Variants in KCNJ6 observed in about 807,000 individuals in gnomAD.
KCNJ6 encodes the protein potassium inwardly rectifying channel subfamily J member 6.
Under a neutral mutation model 34.2 loss-of-function variants are expected in KCNJ6, and 9 were observed. The ratio of observed to expected loss-of-function variants is 0.26; its 90% CI spans 0.16 to 0.46. The LOEUF (loss-of-function observed/expected upper bound fraction) is 0.46. Among genes scored for constraint, KCNJ6 ranks in the 20% least tolerant of loss-of-function variants. The pLI, the probability that KCNJ6 is intolerant of heterozygous loss-of-function variation, is 1.00. For synonymous variants in KCNJ6, 196 were observed against 207.1 expected (o/e 0.95, Z 0.46); for missense variants, 236 against 531.3 (o/e 0.44, Z 5.46).
intron 1 of KCNJ6, among the ~76,000 whole-genome samples, chr21:37,868,467 T>C (rs1394306552): frequency 1.3e-5 from 2 of 152,146 alleles, no homozygotes; most frequent in African/African-American, 2.4e-5. Flanking sequence ...AAAACTAAGA[T>C]AAAATGTGAA....
chr21:37,795,434 C>T (rs2123525917), intron 2 of KCNJ6, among the ~76,000 whole-genome samples: 1 of 152,164 alleles, frequency 6.6e-6, no homozygotes, highest in East Asian at 1.9e-4. Flanking sequence ...TGGGTCATGT[C>T]CTAAAGAAAG....
intron 1 of KCNJ6, among the ~76,000 whole-genome samples, chr21:37,882,970 G>A (rs987422443): frequency 2.6e-5 from 4 of 152,226 alleles, no homozygotes; most frequent in African/African-American, 9.6e-5. Flanking sequence ...GATAGTGCAT[G>A]TGTGTGGATG....
At position 37,724,856 on chromosome 21, in the gene KCNJ6, C is replaced by G. The variant is rs374539503; in HGVS notation, c.26-9725G>C. Among the ~76,000 whole-genome samples, 6 of 152,158 alleles carry G rather than the reference C, an allele frequency of 3.9e-5. 1 individual carries two copies. Among genetic ancestry groups the G allele is most frequent in the East Asian group, 1.9e-4 (1 of 5,176 alleles). On this transcript the variant is annotated intron_variant, in intron 2 of 3. Transcript: ENST00000609713. ...TGGAAAAAAAATGATGAGTCTTCTC[C>G]TTATTCCTTTTATTAGAATAAATTC... is the stretch of plus-strand genomic sequence containing the variant.
At chr21:37,728,322 T>A (rs1220342225) in intron 2 of KCNJ6, among the ~76,000 whole-genome samples, 1 of 152,168 alleles carries the variant, frequency 6.6e-6, no homozygotes, top group Non-Finnish European at 1.5e-5. Context: ...GGAGTTAATG[T>A]GTAATGGGGA....
chr21:37,904,854 A>T (rs2055833733), intron 1 of KCNJ6, among the ~76,000 whole-genome samples: 1 of 152,206 alleles, frequency 6.6e-6, no homozygotes, highest in South Asian at 2.1e-4. Flanking sequence ...CATATTCAGG[A>T]TGAACAAGTT....
intron 1 of KCNJ6, among the ~76,000 whole-genome samples, chr21:37,914,737 C>A (rs930742967): frequency 5.3e-5 from 8 of 152,294 alleles, no homozygotes; most frequent in African/African-American, 1.9e-4. Context: ...CTGGGCATCA[C>A]CCTTTTCCGT....
intron 3 of KCNJ6, among the ~76,000 whole-genome samples, chr21:37,700,071 T>G (rs766316808): frequency 2.6e-5 from 4 of 152,090 alleles, no homozygotes; most frequent in Admixed American, 2.6e-4. Flanking sequence ...GCACTGACCA[T>G]GTGCCAGATT....
chr21:37,666,834 T>C (rs1395434903), intron 3 of KCNJ6, among the ~76,000 whole-genome samples: 3 of 151,862 alleles, frequency 2.0e-5, no homozygotes, highest in Non-Finnish European at 4.4e-5. Context: ...TGGGATGCTG[T>C]TAATCTATAA....
chr21:37,681,675 T>G (rs959119773), intron 3 of KCNJ6, among the ~76,000 whole-genome samples: 3 of 152,182 alleles, frequency 2.0e-5, no homozygotes, highest in African/African-American at 7.2e-5. Context: ...AAAACATGAG[T>G]GACTTTAAAA....
intron 1 of KCNJ6, among the ~76,000 whole-genome samples, chr21:37,909,449 T>G (rs149445073): frequency 1.3e-5 from 2 of 151,666 alleles, no homozygotes; most frequent in African/African-American, 4.9e-5. Context: ...CACTGCAACA[T>G]CTGCCTCCTG....
intron 2 of KCNJ6, among the ~76,000 whole-genome samples, chr21:37,740,371 T>C (rs1601447569): frequency 1.3e-5 from 2 of 152,162 alleles, no homozygotes; most frequent in Admixed American, 1.3e-4. Flanking sequence ...AGCTGCATGA[T>C]AAAACTTTGG....
At chr21:37,628,566 C>G (rs566627380) in intron 3 of KCNJ6, among the ~76,000 whole-genome samples, 3 of 151,992 alleles carry the variant, frequency 2.0e-5, no homozygotes, top group Admixed American at 2.0e-4. Flanking sequence ...TACCAACGTA[C>G]GCATAATAGG....
At chr21:37,661,961 T>G (rs551910206) in intron 3 of KCNJ6, among the ~76,000 whole-genome samples, 2 of 152,262 alleles carry the variant, frequency 1.3e-5, no homozygotes, top group South Asian at 4.1e-4. Context: ...TTTTACTATT[T>G]GTACTTAAAA....
rs1344295655 is a variant in KCNJ6 at position 37,859,485 on chromosome 21, CTTTATA to C, written c.-27-18782_-27-18777del. ...CAATTTTAACTATGGGCTTATATTA[CTTTATA>C]TATATATATATATATATATATATAT... is the stretch of plus-strand genomic sequence containing the variant. On this transcript the variant is annotated intron_variant, in intron 1 of 3. Transcript: ENST00000609713. Among the ~76,000 whole-genome samples the C allele has an allele frequency of 2.0e-3, 40 of 20,078 alleles. 5 individuals are homozygous for C. The highest frequency in any genetic ancestry group is 8.0e-3 in the African/African-American group (39 of 4,860). The allele number at this position is 20,078 out of a possible 152,430, so 13.2% of individuals were successfully genotyped here. A position where few individuals can be genotyped will look rare whatever the true frequency, so the allele number is the denominator to read the frequency against.
At chr21:37,727,759 T>A (rs2054862730) in intron 2 of KCNJ6, among the ~76,000 whole-genome samples, 1 of 152,004 alleles carries the variant, frequency 6.6e-6, no homozygotes. Flanking sequence ...CGGAGAAAGA[T>A]GGGGGAGAAA....
chr21:37,862,237 G>A (rs2055598319), intron 1 of KCNJ6, among the ~76,000 whole-genome samples: 1 of 152,220 alleles, frequency 6.6e-6, no homozygotes, highest in Non-Finnish European at 1.5e-5. Context: ...CAAACATTGT[G>A]TGTGAATTTT....
chr21:37,829,567 G>A (rs560985585), intron 2 of KCNJ6, among the ~76,000 whole-genome samples: 1 of 152,222 alleles, frequency 6.6e-6, no homozygotes, highest in African/African-American at 2.4e-5. Context: ...AGAGGTGTGT[G>A]GAGCTTGTGG....
chr21:37,885,711 C>T (rs1201708585), intron 1 of KCNJ6, among the ~76,000 whole-genome samples: 1 of 152,200 alleles, frequency 6.6e-6, no homozygotes, highest in Non-Finnish European at 1.5e-5. Context: ...ATTCTGCCAA[C>T]AGCCACGTGA....
At chr21:37,853,959 T>C (rs1287749147) in intron 1 of KCNJ6, among the ~76,000 whole-genome samples, 1 of 149,710 alleles carries the variant, frequency 6.7e-6, no homozygotes, top group Non-Finnish European at 1.5e-5. Flanking sequence ...ACACTATAGA[T>C]AAATCAAAGT....
Sources: gnomAD v4.1 joint callset for allele counts (sites outside exome capture counted in the v4.1 genomes callset) on GRCh38, gnomAD v4.1.1 for gene constraint, MANE v1.5 for transcripts, NCBI Gene and HGNC (gene_info 2026-07-23, HGNC 2026-07-21) for gene names.